RMND5A: variants seen among roughly 807,000 people sequenced by gnomAD.
RMND5A encodes the protein required for meiotic nuclear division 5 homolog A.
Under a neutral mutation model 49.7 loss-of-function variants are expected in RMND5A, and 17 were observed. That is an observed-to-expected ratio of 0.34 (90% CI 0.23 to 0.51). The LOEUF (loss-of-function observed/expected upper bound fraction) is 0.51, where lower values mean the gene tolerates loss of function less well. RMND5A is among the 20% of genes least tolerant of loss of function. RMND5A has a pLI of 0.96. For missense variants in RMND5A, 255 were observed against 471.3 expected (o/e 0.54, Z 4.25); for synonymous variants, 156 against 167.7 (o/e 0.93, Z 0.54).
intron 1 of RMND5A, among the ~76,000 whole-genome samples, chr2:86,734,336 C>G (rs374637485): frequency 0.013 from 1,914 of 149,236 alleles, 51 homozygotes; most frequent in Non-Finnish European, 0.02. Context: ...CACCAAACTC[C>G]AGATATGTAA....
chr2:86,723,830 C>T (rs551928034), intron 1 of RMND5A, among the ~76,000 whole-genome samples: 1,467 of 142,830 alleles, frequency 0.01, 2 homozygotes, highest in African/African-American at 0.036. Context: ...TAAATACTGC[C>T]TGATTGCTGG....
chr2:86,764,884 C>G, intron 4 of RMND5A, 143 bp from the exon 5 acceptor site: 1 of 675,720 alleles, frequency 1.5e-6, no homozygotes, highest in Non-Finnish European at 2.4e-6. Context: ...TGACAAAGGT[C>G]TGGGCCCTAG....
At chr2:86,756,428 C>T (rs1397801423) in intron 4 of RMND5A, among the ~76,000 whole-genome samples, 2 of 152,106 alleles carry the variant, frequency 1.3e-5, no homozygotes, top group Non-Finnish European at 2.9e-5. Flanking sequence ...AGTAATCCTA[C>T]AGTAAAGAAA....
Position 86,777,121 on chromosome 2 carries a change from AG to A in RMND5A, c.*3711del, listed in dbSNP as rs1174752654. ...TGATTTTACTTCAAGACATAGCAAG[AG>A]AAACAAAATTTTGTTTTCAAGACAT... On this transcript the variant is annotated 3_prime_UTR_variant, in exon 9 of 9. Transcript: ENST00000283632. 6.6e-6 allele frequency: 1 copy of A among 152,234 alleles called. No individual in the cohort carries two copies. Among genetic ancestry groups the A allele is most frequent in the Non-Finnish European group, 1.5e-5 (1 of 68,052 alleles). The allele number at this position is 152,234 out of a possible 1,614,324, so 9.4% of individuals were successfully genotyped here. A position where few individuals can be genotyped will look rare whatever the true frequency, so the allele number is the denominator to read the frequency against.
intron 2 of RMND5A, among the ~76,000 whole-genome samples, chr2:86,744,830 C>G (rs932980875): frequency 6.6e-6 from 1 of 152,118 alleles, no homozygotes; most frequent in East Asian, 1.9e-4. Flanking sequence ...GTAGCTGGGC[C>G]TACATGCGCT....
chr2:86,749,396 CT>C (rs35530906), intron 2 of RMND5A, among the ~76,000 whole-genome samples: 16,993 of 146,566 alleles, frequency 0.12, 1,031 homozygotes, highest in Non-Finnish European at 0.15. Context: ...CTTTTTCTTT[CT>C]TTTTTTTTTT....
Position 86,776,858 on chromosome 2 carries a change from G to C in RMND5A, c.*3447G>C, listed in dbSNP as rs1672779560. 1 of 151,316 alleles carries C rather than the reference G, an allele frequency of 6.6e-6. No individual in the cohort carries two copies. The highest frequency in any genetic ancestry group is 2.1e-4 in the South Asian group (1 of 4,814). The allele number at this position is 151,316 out of a possible 1,614,324, so 9.4% of individuals were successfully genotyped here. ...CTTAACTATACGTACTTTATCTCTG[G>C]TAACACTAGAATGCTGTGGTCTTGA... On this transcript the variant is annotated 3_prime_UTR_variant, in exon 9 of 9. Transcript: ENST00000283632.
At chr2:86,760,198 C>T (rs553762541) in intron 4 of RMND5A, among the ~76,000 whole-genome samples, 2 of 152,240 alleles carry the variant, frequency 1.3e-5, no homozygotes, top group African/African-American at 2.4e-5. Flanking sequence ...GCATGCGCCA[C>T]CACACCCGAC....
At position 86,729,225 on chromosome 2, in the gene RMND5A, T is replaced by C. The variant is rs143668782; in HGVS notation, c.142+8416T>C. Among the ~76,000 whole-genome samples the C allele has an allele frequency of 6.8e-3, 1,037 of 152,154 alleles. 5 individuals carry two copies. Among genetic ancestry groups the C allele is most frequent in the African/African-American group, 0.024 (990 of 41,382 alleles). On this transcript the variant is annotated intron_variant, in intron 1 of 8. Transcript: ENST00000283632. The stretch of plus-strand genomic sequence containing the variant: ...AAGTTAGTTGGAGAGACCAGACTCA[T>C]ATTTGAAAGGGGGAAAAAACAAGAC...
At chr2:86,743,421 C>G (rs1336694852) in intron 2 of RMND5A, among the ~76,000 whole-genome samples, 1 of 150,034 alleles carries the variant, frequency 6.7e-6, no homozygotes, top group African/African-American at 2.5e-5. Context: ...AATTCTTATA[C>G]AGTTTCTTTC....
At chr2:86,742,887 G>A (rs1371250981) in intron 2 of RMND5A, among the ~76,000 whole-genome samples, 1 of 151,682 alleles carries the variant, frequency 6.6e-6, no homozygotes. Flanking sequence ...GAGATTCTTG[G>A]AATAAGGGGG....
chr2:86,770,166 T>TATTCTTCTAATGGCAG, intron 7 of RMND5A, 41 bp downstream of exon 7: 4 of 1,317,914 alleles, frequency 3.0e-6, no homozygotes, highest in Non-Finnish European at 4.4e-6. Flanking sequence ...TTTACTGCCA[T>TATTCTTCTAATGGCAG]TAGAAGAATA....
At chr2:86,761,658 G>A (rs1672491477) in intron 4 of RMND5A, among the ~76,000 whole-genome samples, 1 of 152,174 alleles carries the variant, frequency 6.6e-6, no homozygotes, top group Non-Finnish European at 1.5e-5. Context: ...GGACAGTATT[G>A]TTTCAGAATA....
chr2:86,765,821 C>G (rs765973786), intron 5 of RMND5A, 38 bp from the exon 6 acceptor site: 1 of 1,596,204 alleles, frequency 6.3e-7, no homozygotes, highest in Non-Finnish European at 8.6e-7. Context: ...CTTATTACTG[C>G]AAGCAAACTA....
At chr2:86,756,563 C>T (rs373470093) in intron 4 of RMND5A, among the ~76,000 whole-genome samples, 170 of 152,274 alleles carry the variant, frequency 1.1e-3, no homozygotes, top group Middle Eastern at 0.01. Flanking sequence ...TAATAGAAAT[C>T]GTCATTACAA....
intron 1 of RMND5A, among the ~76,000 whole-genome samples, chr2:86,732,515 AGTAAAACAAAT>A (rs1395980967): frequency 6.9e-6 from 1 of 143,890 alleles, no homozygotes; most frequent in Admixed American, 6.8e-5. Context: ...TAGGGAAGAA[AGTAAAACAAAT>A]GTATGTACAA....
At position 86,777,344 on chromosome 2, in the gene RMND5A, T is replaced by G. The variant is rs1193017128; in HGVS notation, c.*3933T>G. 2 of 152,144 alleles carry G rather than the reference T, an allele frequency of 1.3e-5. No individual in the cohort carries two copies. Among genetic ancestry groups the G allele is most frequent in the African/African-American group, 4.8e-5 (2 of 41,416 alleles). The allele number at this position is 152,144 out of a possible 1,614,324, so 9.4% of individuals were successfully genotyped here. The stretch of plus-strand genomic sequence containing the variant: ...TTCACTAGGATTTAGTGCCTGATCT[T>G]TTTTTTGGGAAGGGGCGGGAATGAA... On this transcript the variant is annotated 3_prime_UTR_variant, in exon 9 of 9. Transcript: ENST00000283632.
In RMND5A at chr2:86,775,679, T is replaced by C. The variant is rs1423333451; in HGVS notation, c.*2268T>C. 2 of 152,206 alleles carry C rather than the reference T, an allele frequency of 1.3e-5. No homozygotes were observed. 9.4% of individuals were successfully genotyped at this position (152,206 alleles called of 1,614,324 possible). ...CTGTGTAAGGCCCGTGTACTCCCAC[T>C]GGGCAGGGTGAGGACCAAAAATCTG... On this transcript the variant is annotated 3_prime_UTR_variant, in exon 9 of 9. Coordinates refer to ENST00000283632, the MANE Select transcript of RMND5A (RefSeq NM_022780.4).
At chr2:86,755,450 T>C (rs1573439128) in intron 4 of RMND5A, among the ~76,000 whole-genome samples, 2 of 152,252 alleles carry the variant, frequency 1.3e-5, no homozygotes, top group East Asian at 3.8e-4. Flanking sequence ...GAACATGTAA[T>C]GGGTTTCCCA....
Sources: allele counts gnomAD v4.1 joint callset (sites outside exome capture counted in the v4.1 genomes callset), GRCh38; gene constraint gnomAD v4.1.1; transcripts MANE v1.5; gene names NCBI Gene and HGNC (gene_info 2026-07-23, HGNC 2026-07-21).